Variants in GUCY2D observed in about 807,000 individuals in gnomAD.
GUCY2D encodes retinal guanylyl cyclase 1.
GUCY2D carries 70 observed loss-of-function variants against 101.3 expected under a neutral mutation model. The ratio of observed to expected loss-of-function variants is 0.69; its 90% CI spans 0.57 to 0.84. The LOEUF is 0.84. Among genes scored for constraint, GUCY2D ranks in the 40% least tolerant of loss-of-function variants. GUCY2D has a pLI of 0.00. For synonymous variants in GUCY2D, 688 were observed against 670.7 expected (o/e 1.03, Z -0.40); for missense variants, 1,460 against 1,542.5 (o/e 0.95, Z 0.90).
rs773849840 is a variant in GUCY2D at position 8,003,498 on chromosome 17, G to A, written c.451G>A (p.Gly151Ser). The A allele has an allele frequency of 1.6e-5, 24 of 1,530,100 alleles. No individual in the cohort carries two copies. The African/African-American group carries it at 2.8e-4, about 18-fold the overall frequency. The allele number at this position is 1,530,100 out of a possible 1,614,324, so 94.8% of individuals were successfully genotyped here. ...EEAGIALVPW[G>S]CPWTQAEGTT... is the part of the protein sequence containing the mutation. ...AGCCGGGATCGCGCTGGTGCCCTGG[G>A]GCTGCCCCTGGACGCAGGCGGAGGG... Residue 151 changes from glycine (G) to serine (S), a missense_variant, in exon 2 of 20, where the codon GGC (glycine) becomes AGC (serine). By Grantham distance (56) the Gly-to-Ser change is moderately conservative (BLOSUM62 0). Around this residue, in one of 3 missense-constraint regions of GUCY2D, gnomAD observed 1,196 missense variants for 1,229.6 expected, o/e 0.97. Transcript: ENST00000254854.
intron 15 of GUCY2D, 92 bp downstream of exon 15, chr17:8,015,594 G>T: frequency 3.9e-6 from 5 of 1,280,672 alleles, no homozygotes; most frequent in Non-Finnish European, 5.5e-6. Flanking sequence ...ATGGAGCGGG[G>T]AGTGGGGCTT....
rs759516562 is a variant in GUCY2D at position 8,007,780 on chromosome 17, C to T, written c.1567-151C>T. On this transcript the variant is annotated intron_variant, in intron 6 of 19. Coordinates refer to ENST00000254854, the MANE Select transcript of GUCY2D (RefSeq NM_000180.4). ...AATGTTTGCTTTGTAAACTGTAAAG[C>T]GTGCACTTGGGGAGTAATGTCATTA... The T allele has an allele frequency of 8.8e-5, 62 of 704,412 alleles. 3 individuals are homozygous for T. The highest frequency in any genetic ancestry group is 8.6e-4 in the South Asian group (57 of 66,244). The allele number at this position is 704,412 out of a possible 1,614,324, so 43.6% of individuals were successfully genotyped here.
In GUCY2D at chr17:8,016,441, A is replaced by G; in HGVS notation, c.3225-2A>G. 1 of 1,560,302 alleles carries G rather than the reference A, an allele frequency of 6.4e-7. No homozygotes were observed. The stretch of plus-strand genomic sequence containing the variant: ...CCTGAGGCCACCGCCCCCTCCTTGC[A>G]GGTCCAGCAACCACGGCATCAGCCT... On this transcript the variant is annotated splice_acceptor_variant, in intron 18 of 19. Coordinates refer to ENST00000254854, the MANE Select transcript of GUCY2D (RefSeq NM_000180.4). LOFTEE classifies it high-confidence loss of function.
At chr17:8,010,618 A>T (rs1975830953) in intron 8 of GUCY2D, among the ~76,000 whole-genome samples, 1 of 151,922 alleles carries the variant, frequency 6.6e-6, no homozygotes, top group African/African-American at 2.4e-5. Flanking sequence ...CATCCTGGCT[A>T]ACACGGTGAA....
rs535800696 is a variant in GUCY2D, at chr17:8,015,968, C to A, written c.3085C>A (p.Arg1029Ser). Residue 1029 changes from arginine to serine, a missense_variant, in exon 17 of 20, where the codon CGT becomes AGT. Arg to Ser is a moderately radical substitution (Grantham distance 110, BLOSUM62 -1). Coordinates refer to ENST00000254854, the MANE Select transcript of GUCY2D (RefSeq NM_000180.4). ...HVNLSTVGIL[R>S]ALDSGYQVEL... is the part of the protein sequence containing the mutation. Reference sequence around the variant, plus strand: ...GAACTTGAGCACTGTGGGGATTCTCCGTGCTCTGGACTCGGGCTACCAGGT... The same window carrying A: ...GAACTTGAGCACTGTGGGGATTCTCAGTGCTCTGGACTCGGGCTACCAGGT... 68 of 1,612,158 alleles carry A rather than the reference C, an allele frequency of 4.2e-5. No homozygotes were observed. The South Asian group carries it at 6.7e-4, about 16-fold the overall frequency.
rs577880164 is a variant in GUCY2D, at chr17:8,012,601, C to T, written c.2108C>T (p.Ala703Val). 2.4e-5 allele frequency: 39 copies of T among 1,612,692 alleles called. No individual in the cohort carries two copies. The highest frequency in any genetic ancestry group is 1.5e-4 in the South Asian group (14 of 91,068). Residue 703 changes from alanine (A) to valine (V), a missense_variant, in exon 10 of 20, where the codon GCG (alanine) becomes GTG (valine). Ala to Val is a moderately conservative substitution (Grantham distance 64). Transcript: ENST00000254854. ...AQKVLPEPPR[A>V]EDQLWTAPEL... Reference sequence around the variant, plus strand: ...AAGGTGCTACCGGAGCCTCCCAGAGCGGAGGGTAAGAGTCCCCTGTGCAGA... The same window carrying T: ...AAGGTGCTACCGGAGCCTCCCAGAGTGGAGGGTAAGAGTCCCCTGTGCAGA...
At position 8,004,162 on chromosome 17, in the gene GUCY2D, C is replaced by T. The variant is rs147410617; in HGVS notation, c.1026+6C>T. The T allele has an allele frequency of 4.1e-4, 642 of 1,584,914 alleles. 6 individuals are homozygous for T. In the East Asian group the frequency reaches 0.012, roughly 29 times the overall value. The stretch of plus-strand genomic sequence containing the variant: ...CTGACCTCAATCTGCAGCAGGTAGA[C>T]GGTCCCGGGAGGAGGGAAGAAGGCA... On this transcript the variant is annotated splice_donor_region_variant and intron_variant, in intron 3 of 19. Transcript: ENST00000254854.
Position 8,013,934 on chromosome 17 carries a change from T to C in GUCY2D, c.2318T>C (p.Met773Thr), listed in dbSNP as rs143650826. Residue 773 changes from methionine (M) to threonine (T), a missense_variant, in exon 12 of 20, where the codon ATG (methionine) becomes ACG (threonine). This residue lies in a region of GUCY2D where 1,196 missense variants were observed against 1,229.6 expected (regional missense o/e 0.97). Coordinates refer to ENST00000254854, the MANE Select transcript of GUCY2D (RefSeq NM_000180.4). The surrounding 1 kb of genome is among the most constrained non-coding windows in gnomAD (Gnocchi z 5.0). ...PPPLCRPLVSMDQAPVECILL... is the reference protein window; with the variant it reads ...PPPLCRPLVSTDQAPVECILL... ...CCACTGTGTCGGCCCTTGGTGTCCA[T>C]GGACCAGGCACCTGTCGAGTGTATC... 5.4e-4 allele frequency: 865 copies of C among 1,612,966 alleles called. No individual in the cohort carries two copies. Among genetic ancestry groups the C allele is most frequent in the Non-Finnish European group, 6.6e-4 (783 of 1,179,072 alleles).
At chr17:8,004,294 C>T (rs1174449566) in intron 3 of GUCY2D, 138 bp downstream of exon 3, 2 of 796,462 alleles carry the variant, frequency 2.5e-6, no homozygotes, top group Admixed American at 5.8e-5. Flanking sequence ...AATGTAGAGG[C>T]TCTGGCCCCA....
In GUCY2D at chr17:8,003,198, T is replaced by C. The variant is rs1159129390; in HGVS notation, c.151T>C (p.Ser51Pro). The C allele has an allele frequency of 1.3e-6, 2 of 1,518,616 alleles. No homozygotes were observed. The highest frequency in any genetic ancestry group is 1.8e-6 in the Non-Finnish European group (2 of 1,138,966). The allele number at this position is 1,518,616 out of a possible 1,614,324, so 94.1% of individuals were successfully genotyped here. A position where few individuals can be genotyped will look rare whatever the true frequency, so the allele number is the denominator to read the frequency against. ...GCTTCTGCTGCAGCCCCCCGCCCTC[T>C]CCGCCGTGTTCACGGTGGGGGTCCT... The part of the protein sequence containing the change: ...LLLLLQPPAL[S>P]AVFTVGVLGP... Residue 51 changes from serine to proline, a missense_variant, in exon 2 of 20, where the codon TCC (serine) becomes CCC (proline). Physicochemically the swap from Ser to Pro is moderately conservative, Grantham distance 74 (BLOSUM62 -1). Around this residue, in one of 3 missense-constraint regions of GUCY2D, gnomAD observed 1,196 missense variants for 1,229.6 expected, o/e 0.97. Transcript: ENST00000254854.
chr17:8,015,863 C>T (rs1431006993), intron 16 of GUCY2D, 22 bp downstream of exon 16: 3 of 1,602,082 alleles, frequency 1.9e-6, no homozygotes, highest in African/African-American at 2.7e-5. Flanking sequence ...GGGGACAAGA[C>T]GGGGAGGTGG....
Position 8,007,960 on chromosome 17 carries a change from T to C in GUCY2D, c.1596T>C (p.Gly532=). The change falls in exon 7 of 20, where the codon GGT becomes GGC. Residue 532 remains glycine (G), a synonymous_variant. Coordinates refer to ENST00000254854, the MANE Select transcript of GUCY2D (RefSeq NM_000180.4). ...KVAQGSRSSL[G]ARSMSDIRSG... is the part of the protein sequence containing the mutation. ...CCCAGGGGAGTCGATCAAGTCTGGG[T>C]GCCCGCAGCATGTCAGACATTCGCA... is the stretch of plus-strand genomic sequence containing the variant. The C allele has an allele frequency of 6.2e-7, 1 of 1,613,688 alleles. No homozygotes were observed. The highest frequency in any genetic ancestry group is 1.1e-5 in the South Asian group (1 of 91,054).
intron 4 of GUCY2D, 133 bp downstream of exon 4, chr17:8,006,847 C>T (rs1445989054): frequency 2.2e-6 from 2 of 901,412 alleles, no homozygotes; most frequent in East Asian, 5.3e-5. Flanking sequence ...CTCTGGCTTG[C>T]ACAGGACCCC....
rs754274583 is a variant in GUCY2D at position 8,011,859 on chromosome 17, G to A, written c.1750-285G>A. 1.3e-4 allele frequency among the ~76,000 whole-genome samples: 20 copies of A among 152,086 alleles called. No individual in the cohort carries two copies. The highest frequency in any genetic ancestry group is 2.4e-4 in the Non-Finnish European group (16 of 68,010). ...AAAAAGGCTTATGATCAATAAATCC[G>A]AACCTGCCTGGGTCCTGATCACCAA... On this transcript the variant is annotated intron_variant, in intron 8 of 19. Transcript: ENST00000254854. The surrounding 1 kb of genome is among the most constrained non-coding windows in gnomAD (Gnocchi z 4.3).
chr17:8,014,416 C>T lies in GUCY2D; in HGVS notation c.2413-185C>T, dbSNP rs955397108. The T allele has an allele frequency of 1.5e-5, 10 of 672,986 alleles. No homozygotes were observed. Among genetic ancestry groups the T allele is most frequent in the Non-Finnish European group, 2.7e-5 (10 of 371,638 alleles). 41.7% of individuals were successfully genotyped at this position (672,986 alleles called of 1,614,324 possible). On this transcript the variant is annotated intron_variant, in intron 12 of 19. Coordinates refer to ENST00000254854, the MANE Select transcript of GUCY2D (RefSeq NM_000180.4). The surrounding 1 kb of genome is among the most constrained non-coding windows in gnomAD (Gnocchi z 4.0). ...CTGGGAACCCTCATTTCCCACGTGC[C>T]TCCTAATCGTGTCTGAAAACACAGT...
chr17:8,016,416 C>A, intron 18 of GUCY2D, 27 bp from the exon 19 acceptor site: 1 of 1,523,830 alleles, frequency 6.6e-7, no homozygotes, highest in South Asian at 1.2e-5. Flanking sequence ...ATTCCCCTTC[C>A]CTGAGGCCAC....
chr17:8,007,173 G>T, intron 5 of GUCY2D, 29 bp downstream of exon 5: 1 of 1,507,414 alleles, frequency 6.6e-7, no homozygotes, highest in Non-Finnish European at 9.2e-7. Context: ...TAAGTAGGAA[G>T]TGAGCTTGTG....
chr17:8,018,728 A>G (rs1976020454), intron 19 of GUCY2D, among the ~76,000 whole-genome samples: 1 of 151,850 alleles, frequency 6.6e-6, no homozygotes, highest in African/African-American at 2.4e-5. Flanking sequence ...AGACACCAAG[A>G]TTTTTTGAAC....
At chr17:8,015,175 C>G in intron 14 of GUCY2D, 124 bp downstream of exon 14, 1 of 1,067,080 alleles carries the variant, frequency 9.4e-7, no homozygotes, top group East Asian at 2.6e-5. Flanking sequence ...GACCTCCTGT[C>G]CCTTATTTAT....
Sources: gnomAD v4.1 joint callset for allele counts (sites outside exome capture counted in the v4.1 genomes callset) on GRCh38, gnomAD v4.1.1 for gene constraint, gnomAD v4.1.1 regional missense constraint, Gnocchi (gnomAD v3.1) non-coding constraint, MANE v1.5 for transcripts, NCBI Gene and HGNC (gene_info 2026-07-23, HGNC 2026-07-21) for gene names.